The following RGS7 variants were observed in gnomAD, a reference collection of about 807,000 sequenced individuals.
RGS7 encodes the protein regulator of G protein signaling 7.
Under a neutral mutation model 81.1 loss-of-function variants are expected in RGS7, and 27 were observed. The ratio of observed to expected loss-of-function variants is 0.33; its 90% CI spans 0.25 to 0.46. The LOEUF (loss-of-function observed/expected upper bound fraction) is 0.46, where lower values mean the gene tolerates loss of function less well. RGS7 is among the 20% of genes least tolerant of loss of function. RGS7 has a pLI of 1.00. For missense variants in RGS7, 396 were observed against 607.4 expected, an observed-to-expected ratio of 0.65 and a Z score of 3.66; for synonymous variants, 208 against 207.7, an observed-to-expected ratio of 1.00 and a Z score of -0.01.
At chr1:241,293,411 G>A (rs541304650) in intron 2 of RGS7, among the ~76,000 whole-genome samples, 3 of 152,220 alleles carry the variant, frequency 2.0e-5, no homozygotes, top group Admixed American at 2.0e-4. Flanking sequence ...ACAGCTTCGG[G>A]AAGTTCCTTC....
intron 3 of RGS7, among the ~76,000 whole-genome samples, chr1:240,999,007 C>T (rs1032460502): frequency 2.0e-5 from 3 of 152,114 alleles, no homozygotes; most frequent in Non-Finnish European, 4.4e-5. Flanking sequence ...AGTCTGTTTT[C>T]TCTCCGCTGT....
rs1408285642 is a variant in RGS7 at position 240,800,528 on chromosome 1, A to G, written c.*6+113T>C. On this transcript the variant is annotated intron_variant, in intron 18 of 18. Coordinates refer to ENST00000440928, the MANE Select transcript of RGS7 (RefSeq NM_001364886.1). ...ATTTCAACACACATAACTCCACTGAACTGGCCATCACAGCAAAAGCCACAA... is the reference window on the plus strand; with the variant it reads ...ATTTCAACACACATAACTCCACTGAGCTGGCCATCACAGCAAAAGCCACAA... 3 of 492,418 alleles carry G rather than the reference A, an allele frequency of 6.1e-6. No individual in the cohort carries two copies. The East Asian group carries it at 1.0e-4, about 17-fold the overall frequency. The allele number at this position is 492,418 out of a possible 1,614,324, so 30.5% of individuals were successfully genotyped here. A position where few individuals can be genotyped will look rare whatever the true frequency, so the allele number is the denominator to read the frequency against.
chr1:240,941,459 C>T (rs1357950541), intron 4 of RGS7, among the ~76,000 whole-genome samples: 1 of 151,888 alleles, frequency 6.6e-6, no homozygotes, highest in East Asian at 1.9e-4. Flanking sequence ...ATATCCATGG[C>T]AAAAGTAGCA....
chr1:241,274,811 A>C (rs1184284442), intron 2 of RGS7, among the ~76,000 whole-genome samples: 1 of 152,184 alleles, frequency 6.6e-6, no homozygotes, highest in African/African-American at 2.4e-5. Context: ...GAAAACTGCA[A>C]ATCTAGGTTT....
intron 18 of RGS7, among the ~76,000 whole-genome samples, chr1:240,776,836 A>C (rs1484080369): frequency 6.6e-6 from 1 of 152,206 alleles, no homozygotes; most frequent in African/African-American, 2.4e-5. Context: ...CTAGCTGTTG[A>C]TGTCTTCCTG....
chr1:240,942,776 C>T (rs902908589), intron 4 of RGS7, among the ~76,000 whole-genome samples: 9 of 152,112 alleles, frequency 5.9e-5, no homozygotes, highest in Non-Finnish European at 1.3e-4. Flanking sequence ...TTTAAGAAGA[C>T]ATGGAAGTGG....
intron 6 of RGS7, among the ~76,000 whole-genome samples, chr1:240,908,957 C>T (rs374479686): frequency 1.3e-5 from 2 of 152,174 alleles, no homozygotes; most frequent in African/African-American, 2.4e-5. Flanking sequence ...TTGGAACGCA[C>T]GAACTAAATT....
At chr1:241,272,877 T>A (rs2077990316) in intron 2 of RGS7, among the ~76,000 whole-genome samples, 1 of 152,184 alleles carries the variant, frequency 6.6e-6, no homozygotes, top group African/African-American at 2.4e-5. Context: ...ATATTGTACT[T>A]TTTTTTCCAG....
At chr1:241,000,814 AT>A (rs10691671) in intron 3 of RGS7, among the ~76,000 whole-genome samples, 2,930 of 130,328 alleles carry the variant, frequency 0.022, 113 homozygotes, top group African/African-American at 0.082. Flanking sequence ...CACCCAGCTA[AT>A]TTTTTTTTTT....
chr1:241,111,479 G>A (rs947820774), intron 2 of RGS7, among the ~76,000 whole-genome samples: 3 of 152,090 alleles, frequency 2.0e-5, no homozygotes, highest in African/African-American at 7.2e-5. Context: ...CTTGATATTT[G>A]TGAGGGAAAC....
At chr1:241,087,944 A>AAC (rs1491464126) in intron 3 of RGS7, among the ~76,000 whole-genome samples, 78 of 116,112 alleles carry the variant, frequency 6.7e-4, no homozygotes, top group Admixed American at 4.5e-3. Context: ...GCAAGACTCC[A>AAC]TCTCTCTCTC....
intron 9 of RGS7, among the ~76,000 whole-genome samples, chr1:240,855,373 CAATTTCTTATATTTAGAT>C (rs1462182885): frequency 4.8e-5 from 7 of 145,902 alleles, no homozygotes; most frequent in African/African-American, 1.3e-4. Context: ...ATTTCTTATC[CAATTTCTTATATTTAGAT>C]AATTTCTTAT....
At chr1:240,840,586 T>TTG (rs1320534975) in intron 9 of RGS7, among the ~76,000 whole-genome samples, 2 of 152,246 alleles carry the variant, frequency 1.3e-5, no homozygotes, top group African/African-American at 4.8e-5. Flanking sequence ...CTGGCCTTCT[T>TTG]TGTGTACCAG....
intron 2 of RGS7, among the ~76,000 whole-genome samples, chr1:241,137,711 TA>T (rs576834553): frequency 3.0e-4 from 45 of 152,324 alleles, no homozygotes; most frequent in African/African-American, 9.9e-4. Context: ...AAACAATGGA[TA>T]GCTTGAAATT....
At chr1:240,985,635 GT>G (rs574132117) in intron 3 of RGS7, among the ~76,000 whole-genome samples, 1 of 152,080 alleles carries the variant, frequency 6.6e-6, no homozygotes, top group Non-Finnish European at 1.5e-5. Flanking sequence ...TGCTGTAGTA[GT>G]TTTTTTATTG....
chr1:241,339,050 C>T (rs528445753), intron 2 of RGS7, among the ~76,000 whole-genome samples: 73 of 152,268 alleles, frequency 4.8e-4, no homozygotes, highest in Non-Finnish European at 9.3e-4. Context: ...TGCCCCCCAA[C>T]CCCAACAGGC....
chr1:241,129,524 G>GCAT (rs1350217227), intron 2 of RGS7, among the ~76,000 whole-genome samples: 5 of 152,132 alleles, frequency 3.3e-5, no homozygotes, highest in Non-Finnish European at 7.3e-5. Flanking sequence ...TAGCAAAAAA[G>GCAT]CATCGCCAGC....
intron 3 of RGS7, among the ~76,000 whole-genome samples, chr1:241,005,738 C>T (rs778289793): frequency 2.0e-5 from 3 of 152,020 alleles, no homozygotes; most frequent in Non-Finnish European, 4.4e-5. Context: ...GTTTCACTTA[C>T]GTTGGCCAGG....
At position 240,879,375 on chromosome 1, in the gene RGS7, C is replaced by T. The variant is rs370618105; in HGVS notation, c.386-9256G>A. Among the ~76,000 whole-genome samples the T allele has an allele frequency of 2.8e-4, 42 of 152,218 alleles. 1 individual carries two copies. The highest frequency in any genetic ancestry group is 3.4e-3 in the Middle Eastern group (1 of 292). On this transcript the variant is annotated intron_variant, in intron 6 of 18. Coordinates refer to ENST00000440928, the MANE Select transcript of RGS7 (RefSeq NM_001364886.1). ...TCTTTGCCTCACCATTTATTTTAAA[C>T]GAGTCAGTGTGTCTTACTTCTCTTT...
Sources: gnomAD v4.1 joint callset for allele counts (sites outside exome capture counted in the v4.1 genomes callset) on GRCh38, gnomAD v4.1.1 for gene constraint, MANE v1.5 for transcripts, NCBI Gene and HGNC (gene_info 2026-07-23, HGNC 2026-07-21) for gene names.